Variants in ANXA8 observed in about 807,000 individuals in gnomAD.
ANXA8 encodes the protein annexin A8.
A neutral mutation model predicts 26.8 loss-of-function variants in ANXA8; 9 were observed. The observed-to-expected ratio is 0.34, with a 90% confidence interval of 0.20 to 0.59. The LOEUF (loss-of-function observed/expected upper bound fraction) is 0.59. Ranked by LOEUF, ANXA8 falls within the 20% of genes least tolerant of loss-of-function variation. The probability of loss-of-function intolerance (pLI) is 0.84; values close to 1 mark genes in which losing one functional copy is unlikely to be tolerated. For missense variants in ANXA8, 83 were observed against 238.5 expected (o/e 0.35, Z 4.29); for synonymous variants, 39 against 94.8 (o/e 0.41, Z 3.42).
chr10:47,628,267 G>T, the ANXA8 span, among the ~76,000 whole-genome samples: 2 of 152,114 alleles, frequency 1.3e-5, no homozygotes, highest in South Asian at 4.1e-4. Context: ...TAAAGAAAAA[G>T]ACTTAATCAT....
chr10:47,944,341 C>T, the ANXA8 span, among the ~76,000 whole-genome samples: 1 of 149,020 alleles, frequency 6.7e-6, no homozygotes, highest in Non-Finnish European at 1.5e-5. Flanking sequence ...CACCGTCAAT[C>T]TAGAGCATCC....
the ANXA8 span, among the ~76,000 whole-genome samples, chr10:47,776,706 T>C: frequency 0.034 from 4,843 of 143,320 alleles, 115 homozygotes; most frequent in African/African-American, 0.081. Context: ...TACACCCCTC[T>C]TCTAAGACCC....
At chr10:47,974,684 A>G in the ANXA8 span, among the ~76,000 whole-genome samples, 1 of 146,622 alleles carries the variant, frequency 6.8e-6, no homozygotes, top group African/African-American at 2.5e-5. Flanking sequence ...GTTGTTTAAT[A>G]TCCATGTATT....
the ANXA8 span, among the ~76,000 whole-genome samples, chr10:47,536,582 C>T: frequency 2.3e-5 from 3 of 130,396 alleles, no homozygotes; most frequent in Non-Finnish European, 4.6e-5. Context: ...CACACATAAA[C>T]ACTACCCCCA....
At chr10:47,566,426 G>A in the ANXA8 span, among the ~76,000 whole-genome samples, 1 of 151,080 alleles carries the variant, frequency 6.6e-6, no homozygotes, top group African/African-American at 2.4e-5. Flanking sequence ...CTGAGCCGCA[G>A]AAACCCCCTT....
the ANXA8 span, among the ~76,000 whole-genome samples, chr10:47,587,660 A>G: frequency 1.4e-5 from 2 of 146,992 alleles, no homozygotes; most frequent in Non-Finnish European, 2.9e-5. Context: ...AAATAATAAT[A>G]TCTTTCTTAC....
the ANXA8 span, among the ~76,000 whole-genome samples, chr10:47,666,232 A>C: frequency 1.5e-5 from 2 of 136,924 alleles, no homozygotes; most frequent in Non-Finnish European, 3.0e-5. Context: ...TGGGAGGCTT[A>C]TGTGAGAGCA....
the ANXA8 span, among the ~76,000 whole-genome samples, chr10:47,974,332 T>G: frequency 1.4e-5 from 2 of 145,652 alleles, no homozygotes; most frequent in Non-Finnish European, 3.1e-5. Flanking sequence ...TCTTGTTTAT[T>G]TTTTTGAAAA....
At chr10:47,714,617 G>A in the ANXA8 span, among the ~76,000 whole-genome samples, 1 of 49,690 alleles carries the variant, frequency 2.0e-5, no homozygotes, top group African/African-American at 8.6e-5. Context: ...GGTGGCTCCC[G>A]CCTGTAATCC....
the ANXA8 span, among the ~76,000 whole-genome samples, chr10:47,969,242 A>G: frequency 6.6e-6 from 1 of 151,518 alleles, no homozygotes; most frequent in African/African-American, 2.4e-5. Context: ...CAATTTCAGT[A>G]TTAGCATTAG....
At chr10:47,520,511 AG>A in the ANXA8 span, 1 of 1,513,814 alleles carries the variant, frequency 6.6e-7, no homozygotes, top group Non-Finnish European at 8.8e-7. Context: ...TCTGTTTGAG[AG>A]TTCCTCTGGA....
At chr10:47,516,690 C>G in the ANXA8 span, among the ~76,000 whole-genome samples, 1 of 134,358 alleles carries the variant, frequency 7.4e-6, no homozygotes, top group South Asian at 2.3e-4. Context: ...TGACAAAAGG[C>G]CAAAGAAAGT....
chr10:47,955,246 C>A, the ANXA8 span, among the ~76,000 whole-genome samples: 5 of 149,260 alleles, frequency 3.3e-5, no homozygotes, highest in Non-Finnish European at 5.9e-5. Context: ...GCCTCCCCAG[C>A]CACCTGGAAC....
chr10:47,639,314 ATTTTT>A, the ANXA8 span, among the ~76,000 whole-genome samples: 1 of 75,346 alleles, frequency 1.3e-5, no homozygotes, highest in Non-Finnish European at 2.6e-5. Context: ...TATTATTATT[ATTTTT>A]TTTTTTTTTT....
the ANXA8 span, among the ~76,000 whole-genome samples, chr10:47,748,509 G>C: frequency 1.3e-5 from 2 of 151,952 alleles, no homozygotes; most frequent in Non-Finnish European, 2.9e-5. Flanking sequence ...CACCGCACCC[G>C]ACCCAGGCAC....
chr10:47,699,734 A>G, the ANXA8 span, among the ~76,000 whole-genome samples: 1 of 151,652 alleles, frequency 6.6e-6, no homozygotes, highest in Non-Finnish European at 1.5e-5. Flanking sequence ...AGGCTGAGGT[A>G]AAAGGATTGC....
At chr10:47,748,217 A>C in the ANXA8 span, among the ~76,000 whole-genome samples, 1 of 148,948 alleles carries the variant, frequency 6.7e-6, no homozygotes, top group Non-Finnish European at 1.5e-5. Flanking sequence ...TTTTTTTATT[A>C]TTATTTTTTG....
the ANXA8 span, among the ~76,000 whole-genome samples, chr10:47,630,059 T>TAC: frequency 5.3e-5 from 4 of 75,050 alleles, no homozygotes; most frequent in East Asian, 1.3e-3. Context: ...GAAGACTATA[T>TAC]ACATATCTTC....
the ANXA8 span, chr10:47,715,964 G>C: frequency 2.6e-6 from 3 of 1,147,002 alleles, no homozygotes; most frequent in Non-Finnish European, 3.6e-6. Context: ...GCTCACTGCA[G>C]TCTCCACCTC....
Sources: gnomAD v4.1 joint callset for allele counts (sites outside exome capture counted in the v4.1 genomes callset) on GRCh38, gnomAD v4.1.1 for gene constraint, MANE v1.5 for transcripts, NCBI Gene and HGNC (gene_info 2026-07-23, HGNC 2026-07-21) for gene names.